Variants in LNPK observed in about 807,000 individuals in gnomAD.
The protein encoded by LNPK is endoplasmic reticulum junction formation protein lunapark.
LNPK carries 29 observed loss-of-function variants against 55.2 expected under a neutral mutation model. That is an observed-to-expected ratio of 0.53 (90% CI 0.39 to 0.72). The LOEUF (loss-of-function observed/expected upper bound fraction) is 0.72. Ranked by LOEUF, LNPK falls within the 30% of genes least tolerant of loss-of-function variation. The probability of loss-of-function intolerance (pLI) is 0.00; values close to 1 mark genes in which losing one functional copy is unlikely to be tolerated. For synonymous variants in LNPK, 162 were observed against 168.2 expected, an observed-to-expected ratio of 0.96 and a Z score of 0.29; for missense variants, 467 against 494.8, an observed-to-expected ratio of 0.94 and a Z score of 0.53.
In LNPK at chr2:175,939,542, T is replaced by C. The variant is rs746727743; in HGVS notation, c.812+10A>G. On this transcript the variant is annotated intron_variant, in intron 10 of 12. Coordinates refer to ENST00000272748, the MANE Select transcript of LNPK (RefSeq NM_030650.3). ...CATTTTCATTTATCTACCACCTTAG[T>C]AAATATTACCTGTTTTGTGGACCAT... 6 of 1,415,018 alleles carry C rather than the reference T, an allele frequency of 4.2e-6. No individual in the cohort carries two copies. The South Asian group carries it at 7.0e-5, about 16-fold the overall frequency. The allele number at this position is 1,415,018 out of a possible 1,614,324, so 87.7% of individuals were successfully genotyped here.
At chr2:175,995,164 C>T (rs1687875540) in intron 2 of LNPK, among the ~76,000 whole-genome samples, 1 of 152,004 alleles carries the variant, frequency 6.6e-6, no homozygotes, top group African/African-American at 2.4e-5. Flanking sequence ...TCATGATCTG[C>T]CCGCCTCAGC....
At chr2:175,930,360 T>C (rs192881972) in intron 12 of LNPK, among the ~76,000 whole-genome samples, 161 bp from the exon 13 acceptor site, 1 of 151,244 alleles carries the variant, frequency 6.6e-6, no homozygotes, top group Admixed American at 6.6e-5. Flanking sequence ...TAAAATCTTT[T>C]ACAATAAGTA....
chr2:175,950,572 A>G (rs1432861063), intron 8 of LNPK, among the ~76,000 whole-genome samples: 1 of 152,162 alleles, frequency 6.6e-6, no homozygotes, highest in African/African-American at 2.4e-5. Flanking sequence ...TATTTTTAAA[A>G]CTACTATATT....
At chr2:175,957,774 G>A (rs991504045) in intron 8 of LNPK, among the ~76,000 whole-genome samples, 1 of 152,200 alleles carries the variant, frequency 6.6e-6, no homozygotes, top group Non-Finnish European at 1.5e-5. Flanking sequence ...CCTGGGAAGT[G>A]CAAGGAGTCA....
intron 1 of LNPK, among the ~76,000 whole-genome samples, chr2:175,996,942 CCAA>C (rs1687960399): frequency 6.6e-6 from 1 of 152,122 alleles, no homozygotes; most frequent in South Asian, 2.1e-4. Context: ...TAGATACTTG[CCAA>C]TGTATAAAAC....
chr2:175,993,359 C>A, intron 2 of LNPK, 136 bp from the exon 3 acceptor site: 1 of 484,738 alleles, frequency 2.1e-6, no homozygotes, highest in Admixed American at 4.2e-5. Flanking sequence ...TTGTTTATAA[C>A]TAAGATTTAT....
intron 1 of LNPK, among the ~76,000 whole-genome samples, chr2:176,000,048 G>A (rs1483021744): frequency 2.0e-5 from 3 of 152,168 alleles, no homozygotes; most frequent in Admixed American, 6.5e-5. Flanking sequence ...TTACAGGCGT[G>A]AGCAACCCCA....
At chr2:175,945,848 C>T (rs11898869) in intron 9 of LNPK, among the ~76,000 whole-genome samples, 3,813 of 152,244 alleles carry the variant, frequency 0.025, 162 homozygotes, top group African/African-American at 0.086. Flanking sequence ...ACACAAACAT[C>T]AAAAGCAATC....
chr2:175,992,120 C>T, intron 4 of LNPK, 111 bp downstream of exon 4: 2 of 650,084 alleles, frequency 3.1e-6, no homozygotes, highest in Non-Finnish European at 4.8e-6. Flanking sequence ...AATTCAAACT[C>T]AATCAGATAT....
intron 8 of LNPK, among the ~76,000 whole-genome samples, chr2:175,948,124 A>G (rs1037829555): frequency 6.6e-6 from 1 of 152,240 alleles, no homozygotes; most frequent in Non-Finnish European, 1.5e-5. Context: ...TGGAATTATC[A>G]AAGTAATTAA....
chr2:175,958,177 T>C (rs1093747), intron 8 of LNPK, among the ~76,000 whole-genome samples: 77,927 of 152,098 alleles, frequency 0.51, 20,830 homozygotes, highest in African/African-American at 0.66. Flanking sequence ...AGACTTAAAA[T>C]GTCCCTGTCT....
At chr2:175,957,803 G>A (rs1685771745) in intron 8 of LNPK, among the ~76,000 whole-genome samples, 1 of 152,178 alleles carries the variant, frequency 6.6e-6, no homozygotes, top group East Asian at 1.9e-4. Flanking sequence ...CCCTTTCCAA[G>A]CCAAGGGAAG....
chr2:175,991,873 A>G (rs547154215), intron 4 of LNPK, among the ~76,000 whole-genome samples: 96 of 152,324 alleles, frequency 6.3e-4, no homozygotes, highest in African/African-American at 2.3e-3. Flanking sequence ...ATATATTCAG[A>G]ATAATTTGAG....
At chr2:175,962,421 T>C (rs1007940746) in intron 8 of LNPK, among the ~76,000 whole-genome samples, 1 of 152,186 alleles carries the variant, frequency 6.6e-6, no homozygotes, top group Non-Finnish European at 1.5e-5. Flanking sequence ...CCATCTGATC[T>C]TTGACAAACC....
At chr2:175,975,013 T>TA (rs911834471) in intron 5 of LNPK, among the ~76,000 whole-genome samples, 12 of 143,004 alleles carry the variant, frequency 8.4e-5, no homozygotes, top group East Asian at 7.9e-4. Context: ...GTTTCTTATT[T>TA]TTTTTTTTTT....
intron 9 of LNPK, among the ~76,000 whole-genome samples, chr2:175,944,453 C>T (rs948100165): frequency 6.6e-6 from 1 of 151,728 alleles, no homozygotes; most frequent in African/African-American, 2.4e-5. Context: ...AATTGTAACC[C>T]TATAACCTCT....
intron 8 of LNPK, among the ~76,000 whole-genome samples, chr2:175,961,501 A>C (rs959820334): frequency 1.3e-5 from 2 of 152,232 alleles, no homozygotes; most frequent in African/African-American, 4.8e-5. Context: ...AAAATTCAAC[A>C]GCCCTTCATG....
At chr2:176,002,057 GGA>G (rs777307478) in intron 1 of LNPK, 101 bp downstream of exon 1, 146 of 321,740 alleles carry the variant, frequency 4.5e-4, no homozygotes, top group Middle Eastern at 9.2e-4. Context: ...GGGGCACCAA[GGA>G]GAGGCAAGCG....
chr2:175,966,690 A>G (rs1015136107), intron 6 of LNPK, among the ~76,000 whole-genome samples: 10 of 152,234 alleles, frequency 6.6e-5, no homozygotes, highest in Non-Finnish European at 1.2e-4. Context: ...ACACATCCAT[A>G]CAACATTTAA....
Sources: allele counts gnomAD v4.1 joint callset (sites outside exome capture counted in the v4.1 genomes callset), GRCh38; gene constraint gnomAD v4.1.1; transcripts MANE v1.5; gene names NCBI Gene and HGNC (gene_info 2026-07-23, HGNC 2026-07-21).